CYB561A3: variants seen among roughly 807,000 people sequenced by gnomAD.
The protein encoded by CYB561A3 is cytochrome b561 family member A3, also known as lysosomal membrane ascorbate-dependent ferrireductase CYB561A3.
Under a neutral mutation model 25.3 loss-of-function variants are expected in CYB561A3, and 16 were observed. The observed-to-expected ratio is 0.63, with a 90% CI of 0.43 to 0.96. The LOEUF (loss-of-function observed/expected upper bound fraction) is 0.96, where lower values mean the gene tolerates loss of function less well. Among genes scored for constraint, CYB561A3 ranks in the 40% least tolerant of loss-of-function variants. CYB561A3 has a pLI of 0.00. For synonymous variants in CYB561A3, 131 were observed against 129.9 expected, an observed-to-expected ratio of 1.01 and a Z score of -0.06; for missense variants, 219 against 307.5, an observed-to-expected ratio of 0.71 and a Z score of 2.15.
At chr11:61,351,284 CTTTTTTTTT>C (rs909648792) in intron 5 of CYB561A3, 137 bp from the exon 6 acceptor site, 8 of 293,462 alleles carry the variant, frequency 2.7e-5, no homozygotes, top group Admixed American at 7.1e-5. Flanking sequence ...AACACCCTTT[CTTTTTTTTT>C]TTTTTTTTTT....
chr11:61,349,631 G>A lies in CYB561A3; in HGVS notation c.*768C>T. On this transcript the variant is annotated 3_prime_UTR_variant, in exon 7 of 7. Coordinates refer to ENST00000294072, the MANE Select transcript of CYB561A3 (RefSeq NM_153611.6). ...GGGAAAGGCCGGGATCCAGGCCTCA[G>A]CTGTAGCAGCAGCTGGAAGAGGTGG... 1 of 702,954 alleles carries A rather than the reference G, an allele frequency of 1.4e-6. No individual in the cohort carries two copies. Among genetic ancestry groups the A allele is most frequent in the Non-Finnish European group, 2.6e-6 (1 of 384,984 alleles). 43.5% of individuals were successfully genotyped at this position (702,954 alleles called of 1,614,324 possible).
In CYB561A3 at chr11:61,356,490, CT is replaced by C. The variant is rs766652171; in HGVS notation, c.184+39del. The C allele has an allele frequency of 1.2e-5, 20 of 1,600,758 alleles. No individual in the cohort carries two copies. The East Asian group carries it at 4.0e-4, about 32-fold the overall frequency. On this transcript the variant is annotated intron_variant, in intron 3 of 6. Transcript: ENST00000294072. ...GAGGGAAAGTGCAGCTTTGTCCAGC[CT>C]GAGCCCTATCCCGCCTCCCTTCCTG...
intron 3 of CYB561A3, among the ~76,000 whole-genome samples, chr11:61,355,436 T>G (rs973921560): frequency 6.6e-6 from 1 of 151,760 alleles, no homozygotes; most frequent in Non-Finnish European, 1.5e-5. Flanking sequence ...TCCCAGCACT[T>G]TGGGAGGCAG....
rs1857284323 is a variant in CYB561A3 at position 61,349,227 on chromosome 11, C to T, written c.*1172G>A. On this transcript the variant is annotated 3_prime_UTR_variant, in exon 7 of 7. Coordinates refer to ENST00000294072, the MANE Select transcript of CYB561A3 (RefSeq NM_153611.6). The stretch of plus-strand genomic sequence containing the variant: ...AGAAGAGCAACAGCTCAAGCTCTAG[C>T]ATGGCACAGAACGCTAGGTTGGGCC... 1 of 325,914 alleles carries T rather than the reference C, an allele frequency of 3.1e-6. No individual in the cohort carries two copies. Among genetic ancestry groups the T allele is most frequent in the African/African-American group, 2.1e-5 (1 of 47,876 alleles). The allele number at this position is 325,914 out of a possible 1,614,324, so 20.2% of individuals were successfully genotyped here. A position where few individuals can be genotyped will look rare whatever the true frequency, so the allele number is the denominator to read the frequency against.
At chr11:61,358,805 T>C (rs1024702696) in intron 1 of CYB561A3, 2 of 152,268 alleles carry the variant, frequency 1.3e-5, no homozygotes, top group South Asian at 4.1e-4. Context: ...GCAGCTCATG[T>C]TCCTTGTGCC....
At chr11:61,353,716 T>G (rs1857526033) in intron 4 of CYB561A3, 68 bp downstream of exon 4, 6 of 1,513,662 alleles carry the variant, frequency 4.0e-6, no homozygotes, top group South Asian at 3.4e-5. Context: ...TTGGTGCTCA[T>G]GCAAGTGAAC....
rs1857530949 is a variant in CYB561A3 at position 61,353,778 on chromosome 11, A to T, written c.393+6T>A. The T allele has an allele frequency of 1.2e-6, 2 of 1,614,092 alleles. No individual in the cohort carries two copies. The highest frequency in any genetic ancestry group is 1.7e-6 in the Non-Finnish European group (2 of 1,180,014). ...AACCTCGAGGAGGAGAACAGAGAGA[A>T]CCCACCTGGCAGGCGAAGAGGAAGA... On this transcript the variant is annotated splice_donor_region_variant and intron_variant, in intron 4 of 6. Transcript: ENST00000294072.
At chr11:61,350,758 G>T in intron 6 of CYB561A3, 3 of 614,178 alleles carry the variant, frequency 4.9e-6, no homozygotes, top group Admixed American at 6.3e-5. Flanking sequence ...ACAGTGATTT[G>T]GGGGGGAAAT....
intron 3 of CYB561A3, 46 bp from the exon 4 acceptor site, chr11:61,354,038 C>T: frequency 6.2e-7 from 1 of 1,602,920 alleles, no homozygotes. Flanking sequence ...CCCTCGAGCT[C>T]ACCCAGACAT....
chr11:61,349,749 C>T lies in CYB561A3; in HGVS notation c.*650G>A, dbSNP rs1275737856. The T allele has an allele frequency of 7.5e-6, 5 of 665,908 alleles. No homozygotes were observed. In the East Asian group the frequency reaches 1.1e-4, roughly 15 times the overall value. 41.2% of individuals were successfully genotyped at this position (665,908 alleles called of 1,614,324 possible). A position where few individuals can be genotyped will look rare whatever the true frequency, so the allele number is the denominator to read the frequency against. On this transcript the variant is annotated 3_prime_UTR_variant, in exon 7 of 7. Coordinates refer to ENST00000294072, the MANE Select transcript of CYB561A3 (RefSeq NM_153611.6). ...GCTCCTCAGCAGAAGCTGCGTGGGC[C>T]GCCACTCCCCCTTTCTGCAATCACC...
chr11:61,360,157 G>C (rs1222281765), intron 1 of CYB561A3: 3 of 152,108 alleles, frequency 2.0e-5, no homozygotes, highest in Non-Finnish European at 4.4e-5. Context: ...TGGGAGGATG[G>C]CTTGAGCCCA....
At chr11:61,356,425 C>A in intron 3 of CYB561A3, 105 bp downstream of exon 3, 4 of 887,468 alleles carry the variant, frequency 4.5e-6, no homozygotes, top group Non-Finnish European at 6.4e-6. Context: ...ACCCTACCCC[C>A]ATAGCCCCAA....
intron 6 of CYB561A3, chr11:61,350,748 A>G (rs1457848470): frequency 5.0e-6 from 3 of 604,578 alleles, no homozygotes; most frequent in African/African-American, 3.7e-5. Context: ...CCACAGAACC[A>G]CAGTGATTTG....
At position 61,353,466 on chromosome 11, in the gene CYB561A3, C is replaced by A. The variant is rs966673203; in HGVS notation, c.393+318G>T. On this transcript the variant is annotated intron_variant, in intron 4 of 6. Transcript: ENST00000294072. ...GAATATGGAAACCACTTCAAGAATT[C>A]TTTTGGTTCACAGAGGTGGGAGTGG... The A allele has an allele frequency of 3.2e-5, 21 of 652,012 alleles. No homozygotes were observed. In the East Asian group the frequency reaches 5.8e-4, roughly 18 times the overall value. The allele number at this position is 652,012 out of a possible 1,614,324, so 40.4% of individuals were successfully genotyped here. A position where few individuals can be genotyped will look rare whatever the true frequency, so the allele number is the denominator to read the frequency against.
At chr11:61,351,876 T>C (rs1206830683) in intron 5 of CYB561A3, 1 of 152,130 alleles carries the variant, frequency 6.6e-6, no homozygotes, top group Non-Finnish European at 1.5e-5. Flanking sequence ...GTCACACCAT[T>C]GCTCTCCAAC....
Position 61,356,674 on chromosome 11 carries a change from C to T in CYB561A3, c.40G>A (p.Gly14Arg), listed in dbSNP as rs1468010475. 6.2e-7 allele frequency: 1 copy of T among 1,614,068 alleles called. No homozygotes were observed. The highest frequency in any genetic ancestry group is 8.5e-7 in the Non-Finnish European group (1 of 1,180,044). The change falls in exon 3 of 7, where the codon GGG (glycine) becomes AGG (arginine). Residue 14 changes from glycine to arginine, a missense_variant. By Grantham distance (125) the Gly-to-Arg change is moderately radical (BLOSUM62 -2). Transcript: ENST00000294072. ...GRFYLSCLLL[G>R]SLGSMCILFT... ...AGGATGCACATAGAGCCCAGGGACC[C>T]CAGCAGCAGGCAGGACAAGTAGAAC...
chr11:61,349,845 G>A lies in CYB561A3; in HGVS notation c.*554C>T. The A allele has an allele frequency of 1.7e-6, 1 of 578,626 alleles. No homozygotes were observed. Among genetic ancestry groups the A allele is most frequent in the Non-Finnish European group, 3.1e-6 (1 of 321,042 alleles). The allele number at this position is 578,626 out of a possible 1,614,324, so 35.8% of individuals were successfully genotyped here. Reference sequence around the variant, plus strand: ...CAGAGCAGATGAAGCCTGCTCTGTGGCGGGGCAGCCTAACTGAAATGCACA... The same window carrying A: ...CAGAGCAGATGAAGCCTGCTCTGTGACGGGGCAGCCTAACTGAAATGCACA... On this transcript the variant is annotated 3_prime_UTR_variant, in exon 7 of 7. Transcript: ENST00000294072.
intron 3 of CYB561A3, among the ~76,000 whole-genome samples, chr11:61,355,477 C>A (rs11501627): frequency 1.3e-5 from 2 of 151,098 alleles, no homozygotes; most frequent in African/African-American, 4.9e-5. Context: ...GTCAGGAGTT[C>A]GAGGCCAGCC....
chr11:61,353,070 T>C lies in CYB561A3; in HGVS notation c.463A>G (p.Ile155Val). The change falls in exon 5 of 7, where the codon ATC becomes GTC. Residue 155 changes from isoleucine (I) to valine (V), a missense_variant. Coordinates refer to ENST00000294072, the MANE Select transcript of CYB561A3 (RefSeq NM_153611.6). Reference protein sequence around the residue: ...SMWLRSLLKPIHVFFGAAILS... With the variant: ...SMWLRSLLKPVHVFFGAAILS... Reference sequence around the variant, plus strand: ...ATGGCGGCTCCAAAAAAGACGTGGATAGGTTTTAGGAGGCTGCGCAGCCAC... The same window carrying C: ...ATGGCGGCTCCAAAAAAGACGTGGACAGGTTTTAGGAGGCTGCGCAGCCAC... 1.2e-6 allele frequency: 2 copies of C among 1,613,912 alleles called. No individual in the cohort carries two copies. The highest frequency in any genetic ancestry group is 1.3e-5 in the African/African-American group (1 of 74,940).
Sources: gnomAD v4.1 joint callset for allele counts (sites outside exome capture counted in the v4.1 genomes callset) on GRCh38, gnomAD v4.1.1 for gene constraint, MANE v1.5 for transcripts, NCBI Gene and HGNC (gene_info 2026-07-23, HGNC 2026-07-21) for gene names.